The following FANCC variants were observed in gnomAD, a reference collection of about 807,000 sequenced individuals.
FANCC encodes the protein FA complementation group C.
FANCC carries 55 observed loss-of-function variants against 71.3 expected under a neutral mutation model. The ratio of observed to expected loss-of-function variants is 0.77; its 90% CI spans 0.62 to 0.97. The LOEUF is 0.97. Ranked by LOEUF, FANCC falls within the 50% of genes least tolerant of loss-of-function variation. The pLI is 0.00. For synonymous variants in FANCC, 275 were observed against 244.9 expected (o/e 1.12, Z -1.15); for missense variants, 678 against 670.9 (o/e 1.01, Z -0.12).
At chr9:95,304,775 A>C (rs1353851070) in intron 1 of FANCC, among the ~76,000 whole-genome samples, 1 of 142,404 alleles carries the variant, frequency 7.0e-6, no homozygotes, top group East Asian at 2.1e-4. Flanking sequence ...AAAAAAAAAA[A>C]GGGAAAACAG....
intron 10 of FANCC, among the ~76,000 whole-genome samples, chr9:95,119,694 A>G (rs1038548146): frequency 6.6e-6 from 1 of 151,642 alleles, no homozygotes; most frequent in African/African-American, 2.4e-5. Flanking sequence ...GATATCTATC[A>G]AAGAATAGAA....
At chr9:95,315,189 T>C (rs1281555387) in intron 1 of FANCC, among the ~76,000 whole-genome samples, 1 of 152,240 alleles carries the variant, frequency 6.6e-6, no homozygotes, top group East Asian at 1.9e-4. Context: ...CATTGCCTGC[T>C]AGCCCCCAGT....
At chr9:95,255,455 C>A (rs139118281) in intron 1 of FANCC, among the ~76,000 whole-genome samples, 3 of 152,190 alleles carry the variant, frequency 2.0e-5, no homozygotes, top group Non-Finnish European at 2.9e-5. Flanking sequence ...AGCAGAGGGG[C>A]CTGACTGTTA....
chr9:95,101,046 C>T lies in FANCC; in HGVS notation c.*661G>A, dbSNP rs560893486. 6.8e-5 allele frequency: 16 copies of T among 234,178 alleles called. No homozygotes were observed. Among genetic ancestry groups the T allele is most frequent in the African/African-American group, 2.6e-4 (12 of 45,476 alleles). The allele number at this position is 234,178 out of a possible 1,614,324, so 14.5% of individuals were successfully genotyped here. ...GAACACATCCTCTACCTTCGCCTGC[C>T]GGCTCCTCTGATGTCCCAAGGGCCT... On this transcript the variant is annotated 3_prime_UTR_variant, in exon 15 of 15. Coordinates refer to ENST00000289081, the MANE Select transcript of FANCC (RefSeq NM_000136.3).
Position 95,101,429 on chromosome 9 carries a change from T to C in FANCC, c.*278A>G, listed in dbSNP as rs1380079457. 1 of 509,888 alleles carries C rather than the reference T, an allele frequency of 2.0e-6. No homozygotes were observed. 31.6% of individuals were successfully genotyped at this position (509,888 alleles called of 1,614,324 possible). On this transcript the variant is annotated 3_prime_UTR_variant, in exon 15 of 15. Transcript: ENST00000289081. ...TCTCCCACCCAGGCCTTTGCTTTAGTAATTATCAAGCTGACGGTCTGGCCG... is the reference window on the plus strand; with the variant it reads ...TCTCCCACCCAGGCCTTTGCTTTAGCAATTATCAAGCTGACGGTCTGGCCG...
chr9:95,278,248 G>T (rs1833163368), intron 1 of FANCC, among the ~76,000 whole-genome samples: 1 of 152,058 alleles, frequency 6.6e-6, no homozygotes, highest in South Asian at 2.1e-4. Context: ...GAAGAGAAGG[G>T]AATAAAGCTA....
intron 8 of FANCC, among the ~76,000 whole-genome samples, chr9:95,127,676 T>A (rs1826210831): frequency 6.6e-6 from 1 of 152,230 alleles, no homozygotes; most frequent in Non-Finnish European, 1.5e-5. Context: ...GCATTTGATA[T>A]GACTAGCTTT....
Position 95,263,525 on chromosome 9 carries a change from T to G in FANCC, c.-78-14156A>C, listed in dbSNP as rs1041209991. Among the ~76,000 whole-genome samples the G allele has an allele frequency of 4.0e-4, 56 of 140,162 alleles. 1 individual carries two copies. Among genetic ancestry groups the G allele is most frequent in the East Asian group, 1.3e-3 (6 of 4,772 alleles). The allele number at this position is 140,162 out of a possible 152,430, so 92.0% of individuals were successfully genotyped here. A position where few individuals can be genotyped will look rare whatever the true frequency, so the allele number is the denominator to read the frequency against. On this transcript the variant is annotated intron_variant, in intron 1 of 14. Transcript: ENST00000289081. ...GTGTATATATATATATATCTATATA[T>G]ATATAGATATAGATAGATAGATAGA...
intron 4 of FANCC, among the ~76,000 whole-genome samples, chr9:95,200,817 C>A (rs1827761019): frequency 6.6e-6 from 1 of 152,114 alleles, no homozygotes; most frequent in African/African-American, 2.4e-5. Context: ...AAATAACAGA[C>A]CATGTTTTCT....
chr9:95,214,414 A>T (rs1410704675), intron 4 of FANCC, among the ~76,000 whole-genome samples: 1 of 152,176 alleles, frequency 6.6e-6, no homozygotes, highest in Non-Finnish European at 1.5e-5. Flanking sequence ...CCTGGGAAAC[A>T]CAGCAAGACC....
In FANCC at chr9:95,216,201, T is replaced by C. The variant is rs555639544; in HGVS notation, c.345+24448A>G. On this transcript the variant is annotated intron_variant, in intron 4 of 14. Coordinates refer to ENST00000289081, the MANE Select transcript of FANCC (RefSeq NM_000136.3). ...GTTATTGTTGTTACTGTTGTTTTAA[T>C]GTCAGACAAAGCAGACTTAAAAACA... 2.0e-5 allele frequency among the ~76,000 whole-genome samples: 3 copies of C among 152,284 alleles called. No individual in the cohort carries two copies. The South Asian group carries it at 6.2e-4, about 32-fold the overall frequency.
intron 1 of FANCC, among the ~76,000 whole-genome samples, chr9:95,260,712 A>G (rs1310831933): frequency 2.0e-5 from 3 of 151,762 alleles, no homozygotes; most frequent in South Asian, 2.1e-4. Context: ...ACTTCCAGAT[A>G]CACATTTACC....
At chr9:95,279,485 AAG>A (rs1833246481) in intron 1 of FANCC, among the ~76,000 whole-genome samples, 3 of 151,316 alleles carry the variant, frequency 2.0e-5, no homozygotes, top group African/African-American at 7.3e-5. Flanking sequence ...CAGCCTGGGC[AAG>A]AGAGTGAGAC....
chr9:95,110,277 T>G (rs2071810080), intron 13 of FANCC: 1 of 1,011,658 alleles, frequency 9.9e-7, no homozygotes, highest in Middle Eastern at 4.8e-4. Flanking sequence ...TGATTCTCTG[T>G]CAGTAACCTT....
chr9:95,301,466 C>G (rs962691865), intron 1 of FANCC, among the ~76,000 whole-genome samples: 1 of 151,706 alleles, frequency 6.6e-6, no homozygotes, highest in Non-Finnish European at 1.5e-5. Context: ...CTTGTTCTGT[C>G]GCCCAGGCTG....
intron 6 of FANCC, among the ~76,000 whole-genome samples, chr9:95,151,990 C>T (rs1830203756): frequency 6.6e-6 from 1 of 151,760 alleles, no homozygotes. Flanking sequence ...AAAGACCACA[C>T]CAATTTACTT....
chr9:95,132,750 G>A (rs529315864), intron 8 of FANCC, among the ~76,000 whole-genome samples: 1 of 152,284 alleles, frequency 6.6e-6, no homozygotes, highest in African/African-American at 2.4e-5. Flanking sequence ...ATTATTCATG[G>A]TCTTAATGGA....
intron 7 of FANCC, among the ~76,000 whole-genome samples, chr9:95,147,130 T>C (rs972351611): frequency 1.3e-5 from 2 of 152,044 alleles, no homozygotes; most frequent in African/African-American, 4.8e-5. Context: ...AACATTTATT[T>C]ATGATGTATT....
chr9:95,101,938 C>A, intron 14 of FANCC, 88 bp from the exon 15 acceptor site: 1 of 1,481,324 alleles, frequency 6.8e-7, no homozygotes, highest in South Asian at 1.2e-5. Flanking sequence ...ACCACCCAGT[C>A]CCTGAAAGAA....
Sources: gnomAD v4.1 joint callset for allele counts (sites outside exome capture counted in the v4.1 genomes callset) on GRCh38, gnomAD v4.1.1 for gene constraint, MANE v1.5 for transcripts, NCBI Gene and HGNC (gene_info 2026-07-23, HGNC 2026-07-21) for gene names.